The following HPSE2 variants were observed in gnomAD, a reference collection of about 807,000 sequenced individuals.
The protein encoded by HPSE2 is inactive heparanase-2.
HPSE2 carries 38 observed loss-of-function variants against 60.5 expected under a neutral mutation model. That is an observed-to-expected ratio of 0.63 (90% CI 0.48 to 0.82). The LOEUF (loss-of-function observed/expected upper bound fraction) is 0.82. Among genes scored for constraint, HPSE2 ranks in the 40% least tolerant of loss-of-function variants. The pLI, the probability that HPSE2 is intolerant of heterozygous loss-of-function variation, is 0.00. For missense variants in HPSE2, 713 were observed against 740.4 expected (o/e 0.96, Z 0.43); for synonymous variants, 295 against 293.2 (o/e 1.01, Z -0.06).
chr10:98,670,246 G>A (rs997422721), intron 6 of HPSE2, among the ~76,000 whole-genome samples: 5 of 152,252 alleles, frequency 3.3e-5, no homozygotes, highest in Non-Finnish European at 7.4e-5. Context: ...GAGACATTAA[G>A]GATTTTGAGC....
intron 2 of HPSE2, among the ~76,000 whole-genome samples, chr10:99,178,819 A>G (rs1198263380): frequency 6.6e-6 from 1 of 152,188 alleles, no homozygotes; most frequent in Non-Finnish European, 1.5e-5. Context: ...ACAACAAAAA[A>G]AGAAAATTTC....
Position 99,056,170 on chromosome 10 carries a change from A to G in HPSE2, c.610+88068T>C, listed in dbSNP as rs1040046942. On this transcript the variant is annotated intron_variant, in intron 3 of 11. Transcript: ENST00000370552. ...TAAAAGAACAATATGGAACTATTAT[A>G]AACAACTTTATGGCAAAACATTTGG... Among the ~76,000 whole-genome samples the G allele has an allele frequency of 1.4e-4, 22 of 152,236 alleles. 1 individual carries two copies. In the East Asian group the frequency reaches 3.9e-3, roughly 27 times the overall value.
intron 6 of HPSE2, among the ~76,000 whole-genome samples, chr10:98,671,226 G>T (rs1165185050): frequency 1.3e-5 from 2 of 152,116 alleles, no homozygotes; most frequent in Non-Finnish European, 2.9e-5. Flanking sequence ...CCTGAGTTAT[G>T]GTCTCTCCTG....
At chr10:98,735,725 T>C (rs1042876485) in intron 4 of HPSE2, among the ~76,000 whole-genome samples, 3 of 152,176 alleles carry the variant, frequency 2.0e-5, no homozygotes, top group Non-Finnish European at 4.4e-5. Flanking sequence ...ACTGCCCTGC[T>C]TGATTTCAGA....
intron 4 of HPSE2, among the ~76,000 whole-genome samples, chr10:98,727,649 C>T (rs1949121115): frequency 6.6e-6 from 1 of 150,552 alleles, no homozygotes; most frequent in Non-Finnish European, 1.5e-5. Flanking sequence ...GAGTGAGACA[C>T]TGTCTCAAAA....
intron 3 of HPSE2, among the ~76,000 whole-genome samples, chr10:99,007,376 C>A (rs754504596): frequency 6.6e-6 from 1 of 152,180 alleles, no homozygotes; most frequent in Non-Finnish European, 1.5e-5. Context: ...TCTATCTCCA[C>A]ACTTTGCTGC....
the HPSE2 span, among the ~76,000 whole-genome samples, chr10:99,274,698 T>A: frequency 1.3e-5 from 2 of 152,204 alleles, no homozygotes; most frequent in Non-Finnish European, 2.9e-5. Context: ...TTTCAGAACT[T>A]CCCATTCTGT....
chr10:98,989,646 TAA>T (rs565938013), intron 3 of HPSE2, among the ~76,000 whole-genome samples: 6 of 138,568 alleles, frequency 4.3e-5, no homozygotes, highest in Middle Eastern at 3.3e-3. Context: ...TAAAGTATAA[TAA>T]AAAAAAAAAA....
intron 4 of HPSE2, among the ~76,000 whole-genome samples, chr10:98,725,510 A>G (rs1379513719): frequency 6.6e-6 from 1 of 152,206 alleles, no homozygotes; most frequent in Admixed American, 6.5e-5. Context: ...AAAGACTTAA[A>G]TGTTAGACCT....
intron 2 of HPSE2, among the ~76,000 whole-genome samples, chr10:99,197,425 C>T (rs1028689310): frequency 3.3e-5 from 5 of 152,102 alleles, no homozygotes; most frequent in African/African-American, 1.2e-4. Flanking sequence ...CCCCATTCTC[C>T]ATTATGTGCT....
At chr10:99,145,538 C>T (rs1846023566) in intron 2 of HPSE2, among the ~76,000 whole-genome samples, 1 of 151,602 alleles carries the variant, frequency 6.6e-6, no homozygotes, top group South Asian at 2.1e-4. Flanking sequence ...TAATTTTTTA[C>T]AAATTAAAAT....
At chr10:98,960,331 A>G (rs1432992833) in intron 3 of HPSE2, among the ~76,000 whole-genome samples, 1 of 152,176 alleles carries the variant, frequency 6.6e-6, no homozygotes, top group Non-Finnish European at 1.5e-5. Context: ...ATAGAATTTA[A>G]TAACACCATT....
At chr10:99,233,364 T>G (rs949138664) in intron 1 of HPSE2, among the ~76,000 whole-genome samples, 9 of 152,188 alleles carry the variant, frequency 5.9e-5, no homozygotes, top group Admixed American at 2.0e-4. Context: ...TTGGAACCGC[T>G]AGGGAAAATG....
At chr10:98,474,807 C>T (rs185242839) in intron 11 of HPSE2, among the ~76,000 whole-genome samples, 1 of 152,156 alleles carries the variant, frequency 6.6e-6, no homozygotes, top group East Asian at 1.9e-4. Context: ...CTTTACATGT[C>T]TATTTATGGC....
At chr10:98,461,697 C>G (rs562688651) in intron 11 of HPSE2, 1 of 1,183,304 alleles carries the variant, frequency 8.5e-7, no homozygotes, top group Non-Finnish European at 1.2e-6. Flanking sequence ...TATATCAGGT[C>G]TCTGCTAGAA....
chr10:98,602,483 T>G (rs557789295), intron 9 of HPSE2, among the ~76,000 whole-genome samples: 1 of 152,218 alleles, frequency 6.6e-6, no homozygotes, highest in East Asian at 1.9e-4. Flanking sequence ...AAGAACATAT[T>G]CATTTTTGCA....
chr10:98,763,804 C>T (rs1163480854), intron 3 of HPSE2, among the ~76,000 whole-genome samples: 1 of 151,064 alleles, frequency 6.6e-6, no homozygotes, highest in Non-Finnish European at 1.5e-5. Flanking sequence ...CTAGTAGAAT[C>T]CATTGTGAAG....
chr10:98,945,630 T>C (rs1955158374), intron 3 of HPSE2, among the ~76,000 whole-genome samples: 1 of 152,182 alleles, frequency 6.6e-6, no homozygotes, highest in Non-Finnish European at 1.5e-5. Flanking sequence ...GACACAATTA[T>C]AACTCTGTAA....
intron 3 of HPSE2, among the ~76,000 whole-genome samples, chr10:98,875,644 T>C (rs1022494997): frequency 1.3e-5 from 2 of 151,948 alleles, no homozygotes; most frequent in East Asian, 1.9e-4. Context: ...TTCCAAACAA[T>C]TGAAAAGGAG....
Sources: allele counts gnomAD v4.1 joint callset (sites outside exome capture counted in the v4.1 genomes callset), GRCh38; gene constraint gnomAD v4.1.1; transcripts MANE v1.5; gene names NCBI Gene and HGNC (gene_info 2026-07-23, HGNC 2026-07-21).